NUP98: variants seen among roughly 807,000 people sequenced by gnomAD.
The protein encoded by NUP98 is nuclear pore complex protein Nup98-Nup96.
A neutral mutation model predicts 191.9 loss-of-function variants in NUP98; 26 were observed. The observed-to-expected ratio is 0.14, with a 90% confidence interval of 0.10 to 0.19. NUP98 has a LOEUF of 0.19. Ranked by LOEUF, NUP98 falls within the 10% of genes least tolerant of loss-of-function variation. The probability of loss-of-function intolerance (pLI) is 1.00; values close to 1 mark genes in which losing one functional copy is unlikely to be tolerated. For missense variants in NUP98, 1,941 were observed against 2,178.8 expected (o/e 0.89, Z 2.17); for synonymous variants, 808 against 778.4 (o/e 1.04, Z -0.63).
intron 1 of NUP98, among the ~76,000 whole-genome samples, chr11:3,790,694 T>C (rs1053364520): frequency 6.6e-6 from 1 of 152,164 alleles, no homozygotes; most frequent in African/African-American, 2.4e-5. Context: ...AATTCCACTT[T>C]CACTTAAAAG....
Position 3,676,322 on chromosome 11 carries a change from G to GGAT in NUP98, c.5237_5239dup (p.His1746dup). 6.2e-7 allele frequency: 1 copy of GGAT among 1,614,106 alleles called. No homozygotes were observed. The highest frequency in any genetic ancestry group is 8.5e-7 in the Non-Finnish European group (1 of 1,179,972). ...TGTTGAGTCGGAGGTTCTATCAGGAGGATGATGCAGACTCAGCACCACGCG... is the reference window on the plus strand; with the variant it reads ...TGTTGAGTCGGAGGTTCTATCAGGAGGATGATGATGCAGACTCAGCACCACGCG... On this transcript the variant is annotated inframe_insertion, in exon 33 of 33. Transcript: ENST00000324932.
At chr11:3,680,349 G>A (rs534710200) in intron 30 of NUP98, among the ~76,000 whole-genome samples, 20 of 152,260 alleles carry the variant, frequency 1.3e-4, no homozygotes, top group African/African-American at 4.6e-4. Context: ...CTCCTCATGA[G>A]TGACACCAGT....
chr11:3,789,720 T>G (rs1339822149), intron 1 of NUP98, among the ~76,000 whole-genome samples: 2 of 151,996 alleles, frequency 1.3e-5, no homozygotes, highest in East Asian at 3.9e-4. Flanking sequence ...ATCTTCCTGC[T>G]TTGGCCTCCT....
rs764743698 is a variant in NUP98 at position 3,686,186 on chromosome 11, T to C, written c.4463A>G (p.Asp1488Gly). Residue 1488 changes from aspartate to glycine, a missense_variant, in exon 29 of 33, where the codon GAT becomes GGT. Coordinates refer to ENST00000324932, the MANE Select transcript of NUP98 (RefSeq NM_016320.5). ...LLKLYSDRHY[D>G]LNQLLEPRSI... ...TCGAGGCTCCAGCAGCTGGTTGAGA[T>C]CATAATGTCTGCAAAGAACGTGTTG... is the stretch of plus-strand genomic sequence containing the variant. The C allele has an allele frequency of 1.2e-6, 2 of 1,614,208 alleles. No homozygotes were observed. The highest frequency in any genetic ancestry group is 1.1e-5 in the South Asian group (1 of 91,084).
At chr11:3,717,928 C>T (rs1277462092) in intron 18 of NUP98, among the ~76,000 whole-genome samples, 1 of 152,100 alleles carries the variant, frequency 6.6e-6, no homozygotes, top group Non-Finnish European at 1.5e-5. Context: ...CAGAATAAAT[C>T]TTTTGGCCAT....
chr11:3,701,443 G>A (rs1254304442), intron 23 of NUP98, among the ~76,000 whole-genome samples: 2 of 151,750 alleles, frequency 1.3e-5, no homozygotes, highest in African/African-American at 4.8e-5. Context: ...TGTAATTTTA[G>A]TAGAGACAGG....
At chr11:3,716,047 G>C (rs1215741765) in intron 18 of NUP98, among the ~76,000 whole-genome samples, 3 of 152,078 alleles carry the variant, frequency 2.0e-5, no homozygotes, top group African/African-American at 7.2e-5. Flanking sequence ...CTTTTCACTT[G>C]TCTTTTGCTG....
At position 3,675,969 on chromosome 11, in the gene NUP98, G is replaced by C. The variant is rs2077795377; in HGVS notation, c.*190C>G. ...AAACTGTCTCCTCTTCTGGGTTCCA[G>C]AAGCCCTTATGCTACGTTCAGTATT... On this transcript the variant is annotated 3_prime_UTR_variant, in exon 33 of 33. Coordinates refer to ENST00000324932, the MANE Select transcript of NUP98 (RefSeq NM_016320.5). 4 of 596,186 alleles carry C rather than the reference G, an allele frequency of 6.7e-6. No homozygotes were observed. Among genetic ancestry groups the C allele is most frequent in the Non-Finnish European group, 8.9e-6 (3 of 336,052 alleles). The allele number at this position is 596,186 out of a possible 1,614,324, so 36.9% of individuals were successfully genotyped here. A position where few individuals can be genotyped will look rare whatever the true frequency, so the allele number is the denominator to read the frequency against.
At chr11:3,740,282 G>GA (rs2080233646) in intron 12 of NUP98, among the ~76,000 whole-genome samples, 1 of 152,102 alleles carries the variant, frequency 6.6e-6, no homozygotes, top group South Asian at 2.1e-4. Flanking sequence ...AGGCCGAAGC[G>GA]AGAGGATTGC....
intron 28 of NUP98, among the ~76,000 whole-genome samples, chr11:3,687,000 C>T (rs1471252973): frequency 3.3e-5 from 5 of 151,622 alleles, no homozygotes; most frequent in African/African-American, 9.7e-5. Flanking sequence ...ATAATGATGA[C>T]TCAATTGTAA....
chr11:3,684,985 C>A (rs929000694), intron 29 of NUP98, among the ~76,000 whole-genome samples: 3 of 137,840 alleles, frequency 2.2e-5, no homozygotes, highest in Admixed American at 9.0e-5. Context: ...CCTCACTCTG[C>A]CATTTACTAG....
intron 30 of NUP98, among the ~76,000 whole-genome samples, chr11:3,680,118 G>A (rs2077939332): frequency 6.6e-6 from 1 of 152,222 alleles, no homozygotes; most frequent in Non-Finnish European, 1.5e-5. Context: ...GATGGCTGCT[G>A]ACTGATCAGG....
At chr11:3,712,846 G>T in intron 19 of NUP98, 118 bp from the exon 20 acceptor site, 2 of 1,032,766 alleles carry the variant, frequency 1.9e-6, no homozygotes, top group Non-Finnish European at 1.4e-6. Flanking sequence ...AAATATCTAA[G>T]TATTTAAAGC....
chr11:3,705,322 T>A lies in NUP98; in HGVS notation c.2960A>T (p.Asp987Val). The A allele has an allele frequency of 6.2e-7, 1 of 1,613,760 alleles. No homozygotes were observed. The highest frequency in any genetic ancestry group is 1.1e-5 in the South Asian group (1 of 91,072). ...GCGTTGATCCAGTGCCATATCTACA[T>A]CTTCTTCATCAGTAAGCAATGATGC... ...MKASLLTDEE[D>V]VDMALDQRFS... Residue 987 changes from aspartate (D) to valine (V), a missense_variant, in exon 22 of 33, where the codon GAT becomes GTT. Physicochemically the swap from Asp to Val is radical, Grantham distance 152 (BLOSUM62 -3). Transcript: ENST00000324932.
intron 2 of NUP98, among the ~76,000 whole-genome samples, chr11:3,780,013 GT>G (rs2081901725): frequency 6.6e-6 from 1 of 152,064 alleles, no homozygotes; most frequent in South Asian, 2.1e-4. Flanking sequence ...GAGATAAATG[GT>G]CTTTCATTAG....
At chr11:3,702,309 ACACACTCTCTCTCTCTCTCTCT>A (rs1256623843) in intron 23 of NUP98, among the ~76,000 whole-genome samples, 132 bp downstream of exon 23, 111 of 53,808 alleles carry the variant, frequency 2.1e-3, no homozygotes, top group Admixed American at 5.0e-3. Flanking sequence ...ACACACACAC[ACACACTCTCTCTCTCTCTCTCT>A]CTCTCTCTCT....
chr11:3,763,153 C>A, intron 8 of NUP98, 114 bp from the exon 9 acceptor site: 5 of 886,524 alleles, frequency 5.6e-6, no homozygotes, highest in South Asian at 1.8e-5. Flanking sequence ...AGATATTAGG[C>A]TAAATAACTT....
In NUP98 at chr11:3,679,588, A is replaced by G. The variant is rs1477760245; in HGVS notation, c.5039T>C (p.Ile1680Thr). 5 of 1,614,226 alleles carry G rather than the reference A, an allele frequency of 3.1e-6. No individual in the cohort carries two copies. Among genetic ancestry groups the G allele is most frequent in the Non-Finnish European group, 4.2e-6 (5 of 1,180,048 alleles). The change falls in exon 31 of 33, where the codon ATT (isoleucine) becomes ACT (threonine). Residue 1680 changes from isoleucine to threonine, a missense_variant. Ile to Thr is a moderately conservative substitution (Grantham distance 89). Around this residue, in one of 6 missense-constraint regions of NUP98, gnomAD observed 1,030 missense variants for 1,115.8 expected, o/e 0.92. Coordinates refer to ENST00000324932, the MANE Select transcript of NUP98 (RefSeq NM_016320.5). ...ATGGCGGAGCATTTCAATGACTCTA[A>G]TATAGTCCAGGTAAACAAGCCCAGA... ...ETSGLVYLDY[I>T]RVIEMLRHIQ...
intron 1 of NUP98, among the ~76,000 whole-genome samples, chr11:3,782,719 T>C (rs1382188748): frequency 6.6e-6 from 1 of 151,960 alleles, no homozygotes; most frequent in Non-Finnish European, 1.5e-5. Flanking sequence ...ATTATTTGTA[T>C]TTTTAGGAGA....
Sources: gnomAD v4.1 joint callset for allele counts (sites outside exome capture counted in the v4.1 genomes callset) on GRCh38, gnomAD v4.1.1 for gene constraint, gnomAD v4.1.1 regional missense constraint, MANE v1.5 for transcripts, NCBI Gene and HGNC (gene_info 2026-07-23, HGNC 2026-07-21) for gene names.